The following HCN1 variants were observed in gnomAD, a reference collection of about 807,000 sequenced individuals.
The protein encoded by HCN1 is potassium/sodium hyperpolarization-activated cyclic nucleotide-gated channel 1.
A neutral mutation model predicts 78.9 loss-of-function variants in HCN1; 13 were observed. That is an observed-to-expected ratio of 0.16 (90% CI 0.11 to 0.26). The LOEUF (loss-of-function observed/expected upper bound fraction) is 0.26. Among genes scored for constraint, HCN1 ranks in the 10% least tolerant of loss-of-function variants. The pLI is 1.00. For missense variants in HCN1, 810 were observed against 1,154.3 expected (o/e 0.70, Z 4.32); for synonymous variants, 552 against 455.5 (o/e 1.21, Z -2.70).
chr5:45,261,985 T>C lies in HCN1; in HGVS notation c.2609A>G (p.Glu870Gly). The C allele has an allele frequency of 2.5e-6, 4 of 1,614,030 alleles. No homozygotes were observed. The highest frequency in any genetic ancestry group is 2.5e-6 in the Non-Finnish European group (3 of 1,180,000). ...GTCTGTGTTTAAGACTGAGGAAGAT[T>C]CTCTTGGAAGAGCAGCTGCTGGTGG... ...PPPPAAALPR[E>G]SSSVLNTDPD... Residue 870 changes from glutamate to glycine, a missense_variant, in exon 8 of 8, where the codon GAA becomes GGA. This residue lies in a region of HCN1 where 398 missense variants were observed against 381.3 expected (regional missense o/e 1.04). Transcript: ENST00000303230.
intron 2 of HCN1, among the ~76,000 whole-genome samples, chr5:45,573,790 A>T (rs1251799212): frequency 1.3e-5 from 2 of 152,102 alleles, no homozygotes; most frequent in Non-Finnish European, 2.9e-5. Flanking sequence ...TAGTATTTTT[A>T]AAATGATTAA....
At chr5:45,620,650 TAAATACAAAAA>T (rs569073525) in intron 2 of HCN1, among the ~76,000 whole-genome samples, 355 of 151,956 alleles carry the variant, frequency 2.3e-3, no homozygotes, top group African/African-American at 8.1e-3. Context: ...GATAGGAACA[TAAATACAAAAA>T]ATGACCAAGC....
intron 2 of HCN1, among the ~76,000 whole-genome samples, chr5:45,500,150 A>T (rs1056398650): frequency 1.3e-5 from 2 of 152,110 alleles, no homozygotes; most frequent in African/African-American, 4.8e-5. Context: ...GACTGGTGAC[A>T]TTTAAAGAAT....
intron 4 of HCN1, among the ~76,000 whole-genome samples, chr5:45,364,205 G>C (rs1305591621): frequency 6.6e-6 from 1 of 152,032 alleles, no homozygotes; most frequent in Non-Finnish European, 1.5e-5. Flanking sequence ...TATGCCCAAG[G>C]CCGCCTTTTC....
At chr5:45,628,436 G>A (rs548515158) in intron 2 of HCN1, among the ~76,000 whole-genome samples, 7 of 151,948 alleles carry the variant, frequency 4.6e-5, no homozygotes, top group Non-Finnish European at 1.0e-4. Flanking sequence ...CAAAGGAAAA[G>A]ATAGAACAAA....
At chr5:45,669,880 G>A (rs1386444731) in intron 1 of HCN1, among the ~76,000 whole-genome samples, 1 of 151,674 alleles carries the variant, frequency 6.6e-6, no homozygotes, top group Non-Finnish European at 1.5e-5. Flanking sequence ...GAAAGTCATA[G>A]AAAACATTTT....
chr5:45,351,143 A>C (rs1181598375), intron 5 of HCN1, among the ~76,000 whole-genome samples: 4 of 152,260 alleles, frequency 2.6e-5, no homozygotes, highest in East Asian at 3.9e-4. Flanking sequence ...AGTCTACAGT[A>C]ACCAAAACAG....
At chr5:45,312,441 G>A (rs563559418) in intron 5 of HCN1, among the ~76,000 whole-genome samples, 3 of 152,270 alleles carry the variant, frequency 2.0e-5, no homozygotes, top group South Asian at 4.1e-4. Flanking sequence ...CAGTGTGAGC[G>A]ACGCAGAAGA....
chr5:45,295,981 G>A (rs551502469), intron 6 of HCN1, among the ~76,000 whole-genome samples: 14 of 151,924 alleles, frequency 9.2e-5, no homozygotes, highest in Non-Finnish European at 1.6e-4. Context: ...AAAACTGCAT[G>A]TTGATATTCA....
chr5:45,544,426 A>G (rs1743165102), intron 2 of HCN1, among the ~76,000 whole-genome samples: 1 of 152,052 alleles, frequency 6.6e-6, no homozygotes, highest in Admixed American at 6.6e-5. Context: ...CCTATTTGAC[A>G]AAGCAAATGG....
chr5:45,678,644 C>T (rs191572895), intron 1 of HCN1, among the ~76,000 whole-genome samples: 14 of 151,812 alleles, frequency 9.2e-5, no homozygotes, highest in African/African-American at 3.1e-4. Flanking sequence ...TACTTAAGCA[C>T]CACCATTCAA....
intron 5 of HCN1, among the ~76,000 whole-genome samples, chr5:45,339,827 G>T (rs1314433014): frequency 1.3e-5 from 2 of 152,188 alleles, no homozygotes; most frequent in Non-Finnish European, 2.9e-5. Context: ...GTCAGAGGAT[G>T]CACGTAAAAG....
rs180790607 is a variant in HCN1 at position 45,303,695 on chromosome 5, C to G, written c.1522G>C (p.Val508Leu). Residue 508 changes from valine to leucine, a missense_variant, in exon 6 of 8, where the codon GTG becomes CTG. Physicochemically the swap from Val to Leu is conservative, Grantham distance 32 (BLOSUM62 1). This residue lies in a region of HCN1 where 100 missense variants were observed against 126.8 expected (regional missense o/e 0.79). Transcript: ENST00000303230. Reference sequence around the variant, plus strand: ...TGAATGAAATACATTTTTTTACCCACGGCTCCTTCTCGTATGATATAATCT... The same window carrying G: ...TGAATGAAATACATTTTTTTACCCAGGGCTCCTTCTCGTATGATATAATCT... ...PGDYIIREGAVGKKMYFIQHG... is the reference protein window; with the variant it reads ...PGDYIIREGALGKKMYFIQHG... 6.2e-7 allele frequency: 1 copy of G among 1,613,562 alleles called. No homozygotes were observed. The highest frequency in any genetic ancestry group is 1.1e-5 in the South Asian group (1 of 91,072).
intron 4 of HCN1, among the ~76,000 whole-genome samples, chr5:45,371,263 A>C (rs1416405605): frequency 6.6e-6 from 1 of 152,070 alleles, no homozygotes; most frequent in Non-Finnish European, 1.5e-5. Context: ...GCAGACAGGA[A>C]ATAACCAAAA....
intron 2 of HCN1, among the ~76,000 whole-genome samples, chr5:45,524,059 A>G (rs1015777229): frequency 6.6e-6 from 1 of 152,176 alleles, no homozygotes; most frequent in Non-Finnish European, 1.5e-5. Context: ...GAAGGGATCC[A>G]GTTTCAGCTT....
intron 5 of HCN1, among the ~76,000 whole-genome samples, chr5:45,347,149 G>A (rs963518697): frequency 6.6e-6 from 1 of 152,176 alleles, no homozygotes; most frequent in African/African-American, 2.4e-5. Flanking sequence ...CACAGGGCTG[G>A]CTACTTCTCT....
At chr5:45,367,742 C>T (rs1200798926) in intron 4 of HCN1, among the ~76,000 whole-genome samples, 1 of 151,862 alleles carries the variant, frequency 6.6e-6, no homozygotes, top group Admixed American at 6.6e-5. Flanking sequence ...TCCAATCTAA[C>T]TACAATAAAG....
At chr5:45,627,996 G>A (rs960825218) in intron 2 of HCN1, among the ~76,000 whole-genome samples, 1 of 151,986 alleles carries the variant, frequency 6.6e-6, no homozygotes, top group Admixed American at 6.6e-5. Flanking sequence ...AATTTTATTC[G>A]TGAATTCTAC....
At chr5:45,535,464 G>T (rs1327486827) in intron 2 of HCN1, among the ~76,000 whole-genome samples, 3 of 152,056 alleles carry the variant, frequency 2.0e-5, no homozygotes. Context: ...TGGGTGTGGT[G>T]GTGGGTACCT....
Sources: allele counts gnomAD v4.1 joint callset (sites outside exome capture counted in the v4.1 genomes callset), GRCh38; gene constraint gnomAD v4.1.1; regional missense constraint gnomAD v4.1.1; transcripts MANE v1.5; gene names NCBI Gene and HGNC (gene_info 2026-07-23, HGNC 2026-07-21).